Variants in SYT9 observed in about 807,000 individuals in gnomAD.
SYT9 encodes synaptotagmin 9.
SYT9 carries 22 observed loss-of-function variants against 48.4 expected under a neutral mutation model. The observed-to-expected ratio is 0.45, with a 90% CI of 0.32 to 0.65. The LOEUF (loss-of-function observed/expected upper bound fraction) is 0.65, where lower values mean the gene tolerates loss of function less well. SYT9 is among the 30% of genes least tolerant of loss of function. SYT9 has a pLI of 0.03. For synonymous variants in SYT9, 265 were observed against 245.0 expected (o/e 1.08, Z -0.76); for missense variants, 577 against 622.0 (o/e 0.93, Z 0.77).
intron 3 of SYT9, among the ~76,000 whole-genome samples, chr11:7,398,947 G>A (rs979823818): frequency 1.1e-4 from 6 of 55,558 alleles, no homozygotes; most frequent in African/African-American, 2.3e-4. Context: ...ATGTGTGCAG[G>A]CTAGACACAC....
At chr11:7,411,216 G>A (rs1454483805) in intron 3 of SYT9, among the ~76,000 whole-genome samples, 2 of 152,112 alleles carry the variant, frequency 1.3e-5, no homozygotes, top group East Asian at 1.9e-4. Context: ...TTTTCTGATC[G>A]TTTTGTATGT....
chr11:7,294,044 C>A (rs1251486317), intron 1 of SYT9, among the ~76,000 whole-genome samples: 1 of 152,184 alleles, frequency 6.6e-6, no homozygotes, highest in Non-Finnish European at 1.5e-5. Flanking sequence ...GTTCTGGAGA[C>A]TGGAAAATTC....
At chr11:7,251,538 A>T (rs998185393), upstream of SYT9, among the ~76,000 whole-genome samples, 1 of 152,110 alleles carries the variant, frequency 6.6e-6, no homozygotes, top group Admixed American at 6.5e-5. Context: ...GGCTCTTTCC[A>T]AGTTCGAAGC....
chr11:7,274,432 T>C (rs553678853), intron 1 of SYT9, among the ~76,000 whole-genome samples: 1 of 150,898 alleles, frequency 6.6e-6, no homozygotes, highest in East Asian at 2.0e-4. Flanking sequence ...TTCTCCTGCC[T>C]CAGCCTCCCG....
At chr11:7,257,731 G>A (rs570389816) in intron 1 of SYT9, among the ~76,000 whole-genome samples, 1 of 152,250 alleles carries the variant, frequency 6.6e-6, no homozygotes, top group Non-Finnish European at 1.5e-5. Flanking sequence ...TAAGGAATGA[G>A]TGGCATATTG....
intron 4 of SYT9, 39 bp from the exon 5 acceptor site, chr11:7,417,918 G>A (rs760676554): frequency 3.0e-5 from 48 of 1,593,420 alleles, no homozygotes; most frequent in Admixed American, 1.9e-4. Context: ...AAATCTATAC[G>A]TATCCTCACA....
chr11:7,395,896 T>C (rs1014870227), intron 3 of SYT9, among the ~76,000 whole-genome samples: 2 of 152,112 alleles, frequency 1.3e-5, no homozygotes, highest in Admixed American at 6.6e-5. Flanking sequence ...CAGGTTTCTT[T>C]GTAGTCTGAT....
chr11:7,344,760 G>A (rs917739780), intron 3 of SYT9, among the ~76,000 whole-genome samples: 21 of 152,006 alleles, frequency 1.4e-4, no homozygotes, highest in Admixed American at 3.9e-4. Context: ...CTTTTCCATC[G>A]CTCTATTTGT....
At chr11:7,348,964 G>C (rs1229632042) in intron 3 of SYT9, among the ~76,000 whole-genome samples, 1 of 151,952 alleles carries the variant, frequency 6.6e-6, no homozygotes, top group Non-Finnish European at 1.5e-5. Context: ...CCACAGCTAG[G>C]CGGGCTGGGG....
chr11:7,314,526 A>G (rs535791213), intron 3 of SYT9, among the ~76,000 whole-genome samples: 15 of 152,370 alleles, frequency 9.8e-5, no homozygotes, highest in African/African-American at 3.4e-4. Context: ...AAACTAATCT[A>G]TCGACAGTCA....
chr11:7,340,912 G>T (rs536836461), intron 3 of SYT9, among the ~76,000 whole-genome samples: 3 of 152,198 alleles, frequency 2.0e-5, no homozygotes, highest in Non-Finnish European at 4.4e-5. Context: ...TTTTCACAGG[G>T]CTGCTGCAGT....
chr11:7,254,315 CA>C (rs1355637463), intron 1 of SYT9, among the ~76,000 whole-genome samples: 3 of 152,266 alleles, frequency 2.0e-5, no homozygotes, highest in South Asian at 2.1e-4. Flanking sequence ...CTCATGAGGA[CA>C]GGGGTGGGGG....
chr11:7,262,942 T>A (rs1193915884), intron 1 of SYT9, among the ~76,000 whole-genome samples: 2 of 152,202 alleles, frequency 1.3e-5, no homozygotes, highest in African/African-American at 4.8e-5. Context: ...TATTCGTAAG[T>A]TAGGAGACTT....
At chr11:7,315,371 G>A (rs971817702) in intron 3 of SYT9, among the ~76,000 whole-genome samples, 2 of 152,172 alleles carry the variant, frequency 1.3e-5, no homozygotes, top group Admixed American at 6.5e-5. Context: ...CTTATACAAA[G>A]ATACGAATGG....
chr11:7,343,402 C>T (rs1474012460), intron 3 of SYT9, among the ~76,000 whole-genome samples: 2 of 152,198 alleles, frequency 1.3e-5, no homozygotes. Context: ...AATCATCTCC[C>T]TTAAGTTCAA....
At chr11:7,373,247 G>T (rs1040991910) in intron 3 of SYT9, among the ~76,000 whole-genome samples, 11 of 151,950 alleles carry the variant, frequency 7.2e-5, no homozygotes, top group African/African-American at 2.7e-4. Flanking sequence ...GTGCATCTTT[G>T]TCTGATACTG....
intron 3 of SYT9, among the ~76,000 whole-genome samples, chr11:7,336,401 A>G (rs1047491294): frequency 2.0e-5 from 3 of 152,122 alleles, no homozygotes; most frequent in African/African-American, 7.2e-5. Flanking sequence ...CATCTTCATC[A>G]TTAAATATTT....
chr11:7,415,023 G>A (rs1405615064), intron 3 of SYT9, among the ~76,000 whole-genome samples: 1 of 152,156 alleles, frequency 6.6e-6, no homozygotes, highest in Non-Finnish European at 1.5e-5. Flanking sequence ...CTGTCCCTGA[G>A]CTAAAAAGGA....
chr11:7,350,293 C>T (rs549717956), intron 3 of SYT9, among the ~76,000 whole-genome samples: 1 of 152,302 alleles, frequency 6.6e-6, no homozygotes, highest in South Asian at 2.1e-4. Context: ...ACTAATATGT[C>T]TTCTGAAGGT....
Sources: gnomAD v4.1 joint callset for allele counts (sites outside exome capture counted in the v4.1 genomes callset) on GRCh38, gnomAD v4.1.1 for gene constraint, MANE v1.5 for transcripts, NCBI Gene and HGNC (gene_info 2026-07-23, HGNC 2026-07-21) for gene names.